SYTL5: variants seen among roughly 807,000 people sequenced by gnomAD.
SYTL5 encodes the protein synaptotagmin-like protein 5.
Under a neutral mutation model 55.9 loss-of-function variants are expected in SYTL5, and 34 were observed. The observed-to-expected ratio is 0.61, with a 90% CI of 0.46 to 0.81. The LOEUF is 0.81. Ranked by LOEUF, SYTL5 falls within the 30% of genes least tolerant of loss-of-function variation. SYTL5 has a pLI of 0.00. For missense variants in SYTL5, 637 were observed against 546.7 expected, an observed-to-expected ratio of 1.17 and a Z score of -1.65; for synonymous variants, 221 against 188.7, an observed-to-expected ratio of 1.17 and a Z score of -1.40.
rs1047826641 is a variant in SYTL5, at chrX:38,074,991, G to A, written c.554+1293G>A. Among the ~76,000 whole-genome samples, 24 of 110,782 alleles carry A rather than the reference G, an allele frequency of 2.2e-4. 1 individual carries two copies. The highest frequency in any genetic ancestry group is 1.7e-3 in the Admixed American group (18 of 10,330). On this transcript the variant is annotated intron_variant, in intron 5 of 16. Transcript: ENST00000297875. ...GTAGACCAGTGGTTTCTTTGCTTCTGTGTTGCAGTATCTAGCATGGCACCT... is the reference window on the plus strand; with the variant it reads ...GTAGACCAGTGGTTTCTTTGCTTCTATGTTGCAGTATCTAGCATGGCACCT...
chrX:38,026,228 C>A (rs1934769632), intron 1 of SYTL5, among the ~76,000 whole-genome samples: 1 of 112,508 alleles, frequency 8.9e-6, no homozygotes, highest in Non-Finnish European at 1.9e-5. Flanking sequence ...TCTTCCTTGT[C>A]TATGCCTTGG....
intron 13 of SYTL5, among the ~76,000 whole-genome samples, chrX:38,117,696 G>A (rs1017014128): frequency 6.3e-5 from 7 of 111,700 alleles, no homozygotes; most frequent in African/African-American, 1.6e-4. Flanking sequence ...TTGATTGTTC[G>A]AGTTGGCTCA....
chrX:37,962,218 C>T, the SYTL5 span, among the ~76,000 whole-genome samples: 1 of 110,406 alleles, frequency 9.1e-6, no homozygotes, highest in Non-Finnish European at 1.9e-5. Context: ...TGCTATCCCT[C>T]CCCGCTCCCC....
the SYTL5 span, among the ~76,000 whole-genome samples, chrX:37,917,681 A>G: frequency 9.0e-3 from 1,009 of 112,215 alleles, 10 homozygotes; most frequent in African/African-American, 0.031. Flanking sequence ...TCATGTTTTT[A>G]TATCCCTCTT....
At chrX:38,049,744 A>G (rs1935573027) in intron 2 of SYTL5, among the ~76,000 whole-genome samples, 1 of 112,296 alleles carries the variant, frequency 8.9e-6, no homozygotes, top group Non-Finnish European at 1.9e-5. Flanking sequence ...TTCCACTAAT[A>G]AAGAAGAAAG....
intron 1 of SYTL5, among the ~76,000 whole-genome samples, chrX:38,013,672 A>AT (rs1243639034): frequency 9.0e-6 from 1 of 111,104 alleles, no homozygotes; most frequent in Non-Finnish European, 1.9e-5. Context: ...TTCCTGGGGT[A>AT]TTTTTTCCTG....
chrX:38,039,652 T>G (rs1348200188), intron 2 of SYTL5, among the ~76,000 whole-genome samples: 2 of 111,745 alleles, frequency 1.8e-5, no homozygotes, highest in African/African-American at 6.5e-5. Flanking sequence ...ATTGTGAGCT[T>G]TATTCTCACT....
chrX:37,994,802 A>C, the SYTL5 span: 6 of 110,523 alleles, frequency 5.4e-5, no homozygotes, highest in East Asian at 1.7e-3. Flanking sequence ...TTTCGGAGCC[A>C]TGCGGGACTT....
At chrX:37,916,349 A>G in the SYTL5 span, among the ~76,000 whole-genome samples, 4 of 112,545 alleles carry the variant, frequency 3.6e-5, no homozygotes, top group African/African-American at 1.3e-4. Context: ...GGATAGCACA[A>G]TCTTAATACA....
chrX:37,964,800 A>G, the SYTL5 span, among the ~76,000 whole-genome samples: 1 of 110,168 alleles, frequency 9.1e-6, no homozygotes, highest in African/African-American at 3.3e-5. Context: ...ATGATTTTCT[A>G]TTTTTCATGA....
intron 3 of SYTL5, among the ~76,000 whole-genome samples, chrX:38,063,302 G>T (rs1485434353): frequency 9.0e-6 from 1 of 111,555 alleles, no homozygotes; most frequent in Admixed American, 9.5e-5. Context: ...TTTCTTGAAT[G>T]GCAAGAAGCT....
intron 2 of SYTL5, among the ~76,000 whole-genome samples, chrX:38,034,965 G>A (rs1315997049): frequency 8.9e-6 from 1 of 112,276 alleles, no homozygotes; most frequent in Non-Finnish European, 1.9e-5. Context: ...AGAAGCTTAT[G>A]TTTATTTTAC....
chrX:37,986,264 C>T, the SYTL5 span, among the ~76,000 whole-genome samples: 2 of 110,182 alleles, frequency 1.8e-5, no homozygotes, highest in African/African-American at 6.6e-5. Flanking sequence ...GCAAGACTCA[C>T]GTCTCCAACA....
the SYTL5 span, among the ~76,000 whole-genome samples, chrX:37,973,698 G>A: frequency 9.1e-6 from 1 of 109,819 alleles, no homozygotes; most frequent in African/African-American, 3.3e-5. Flanking sequence ...CAAGTGGTGC[G>A]ATCTCGGCTC....
rs767568203 is a variant in SYTL5, at chrX:38,126,830, C to T, written c.*100C>T. 1.3e-5 allele frequency: 12 copies of T among 892,801 alleles called. No individual in the cohort carries two copies. Among genetic ancestry groups the T allele is most frequent in the Non-Finnish European group, 1.8e-5 (12 of 648,710 alleles). 73.6% of individuals were successfully genotyped at this position (892,801 alleles called of 1,213,427 possible). A position where few individuals can be genotyped will look rare whatever the true frequency, so the allele number is the denominator to read the frequency against. ...CTGGGATTCTGCTTCCCTGCCATTT[C>T]TCACCTGACAGTGTTGGGACATGAG... On this transcript the variant is annotated 3_prime_UTR_variant, in exon 17 of 17. Coordinates refer to ENST00000297875, the MANE Select transcript of SYTL5 (RefSeq NM_138780.3).
the SYTL5 span, among the ~76,000 whole-genome samples, chrX:37,993,751 C>G: frequency 8.9e-6 from 1 of 112,466 alleles, no homozygotes; most frequent in Non-Finnish European, 1.9e-5. Flanking sequence ...ACAGACAATG[C>G]AAGGCTAAAC....
chrX:38,009,240 C>T (rs1934097407), intron 1 of SYTL5, among the ~76,000 whole-genome samples: 1 of 112,010 alleles, frequency 8.9e-6, no homozygotes, highest in Non-Finnish European at 1.9e-5. Flanking sequence ...TTCTCTATAA[C>T]TTCTTATCAA....
the SYTL5 span, among the ~76,000 whole-genome samples, chrX:37,913,986 GCACTTGCTGACA>G: frequency 2.6e-4 from 29 of 111,793 alleles, no homozygotes; most frequent in Non-Finnish European, 4.9e-4. Context: ...AAACTTTTTA[GCACTTGCTGACA>G]TTTTTATGTC....
At chrX:38,002,014 A>C (rs1209082654), upstream of SYTL5, among the ~76,000 whole-genome samples, 73 of 99,933 alleles carry the variant, frequency 7.3e-4, no homozygotes, top group African/African-American at 1.3e-3. Flanking sequence ...ATCCCTCCCC[A>C]CTCCCCCCAC....
Sources: gnomAD v4.1 joint callset for allele counts (sites outside exome capture counted in the v4.1 genomes callset) on GRCh38, gnomAD v4.1.1 for gene constraint, MANE v1.5 for transcripts, NCBI Gene and HGNC (gene_info 2026-07-23, HGNC 2026-07-21) for gene names.